Variants in WDR64 observed in about 807,000 individuals in gnomAD.
WDR64 encodes the protein WD repeat-containing protein 64.
A neutral mutation model predicts 139.3 loss-of-function variants in WDR64; 112 were observed. The observed-to-expected ratio is 0.80, with a 90% CI of 0.69 to 0.94. The LOEUF (loss-of-function observed/expected upper bound fraction) is 0.94, where lower values mean the gene tolerates loss of function less well. WDR64 is among the 40% of genes least tolerant of loss of function. The pLI is 0.00. For synonymous variants in WDR64, 444 were observed against 437.7 expected, an observed-to-expected ratio of 1.01 and a Z score of -0.18; for missense variants, 1,206 against 1,293.1, an observed-to-expected ratio of 0.93 and a Z score of 1.03.
intron 21 of WDR64, among the ~76,000 whole-genome samples, chr1:241,776,690 T>A (rs1658667349): frequency 6.6e-6 from 1 of 152,218 alleles, no homozygotes; most frequent in Non-Finnish European, 1.5e-5. Flanking sequence ...TCAAATTTTG[T>A]TGCTTTCTAA....
In WDR64 at chr1:241,749,463, G is replaced by T. The variant is rs1451780273; in HGVS notation, c.1595-84G>T. 9 of 1,470,628 alleles carry T rather than the reference G, an allele frequency of 6.1e-6. No individual in the cohort carries two copies. The African/African-American group carries it at 1.1e-4, about 18-fold the overall frequency. The allele number at this position is 1,470,628 out of a possible 1,614,324, so 91.1% of individuals were successfully genotyped here. A position where few individuals can be genotyped will look rare whatever the true frequency, so the allele number is the denominator to read the frequency against. Reference sequence around the variant, plus strand: ...GATAAATTGTTGGCAGAAAGCTTTCGATCGGATGAATTTTCTCTGAGCGAA... The same window carrying T: ...GATAAATTGTTGGCAGAAAGCTTTCTATCGGATGAATTTTCTCTGAGCGAA... On this transcript the variant is annotated intron_variant, in intron 13 of 27. Coordinates refer to ENST00000437684, the MANE Select transcript of WDR64 (RefSeq NM_001367482.1).
At chr1:241,770,966 C>G (rs546740320) in intron 18 of WDR64, among the ~76,000 whole-genome samples, 61 of 152,030 alleles carry the variant, frequency 4.0e-4, no homozygotes, top group Middle Eastern at 3.4e-3. Flanking sequence ...ATAAATTATG[C>G]ATGTTATTTT....
chr1:241,784,588 G>GTTGA (rs780454564), intron 23 of WDR64, among the ~76,000 whole-genome samples: 9 of 152,272 alleles, frequency 5.9e-5, no homozygotes, highest in Non-Finnish European at 1.2e-4. Flanking sequence ...GCTTTAGAAC[G>GTTGA]TTGAATTCAA....
At chr1:241,735,515 GTC>G (rs1223296107) in intron 10 of WDR64, among the ~76,000 whole-genome samples, 11 of 130,554 alleles carry the variant, frequency 8.4e-5, no homozygotes, top group Non-Finnish European at 1.4e-4. Context: ...TTAGTTCTCT[GTC>G]TCTCTCTCTC....
At chr1:241,750,819 G>T (rs982706843) in intron 14 of WDR64, among the ~76,000 whole-genome samples, 3 of 151,994 alleles carry the variant, frequency 2.0e-5, no homozygotes, top group African/African-American at 7.3e-5. Flanking sequence ...GCCCAGAGTA[G>T]GTGCTCATTA....
chr1:241,794,579 G>T (rs1038837514), intron 25 of WDR64, among the ~76,000 whole-genome samples: 4 of 137,294 alleles, frequency 2.9e-5, no homozygotes, highest in Admixed American at 1.7e-4. Flanking sequence ...TGTGATCTCG[G>T]CTCATTGCAA....
At chr1:241,745,013 T>C (rs755827211) in intron 13 of WDR64, among the ~76,000 whole-genome samples, 9 of 152,188 alleles carry the variant, frequency 5.9e-5, no homozygotes, top group Non-Finnish European at 1.3e-4. Context: ...ATGCCAAACT[T>C]GAGAGGATGC....
chr1:241,722,136 A>G (rs1668635374), intron 9 of WDR64, among the ~76,000 whole-genome samples: 1 of 152,190 alleles, frequency 6.6e-6, no homozygotes, highest in Non-Finnish European at 1.5e-5. Flanking sequence ...CAAAAAATTT[A>G]CAGACGAAGA....
chr1:241,673,731 A>C (rs768142791), intron 3 of WDR64, among the ~76,000 whole-genome samples: 4 of 152,194 alleles, frequency 2.6e-5, no homozygotes, highest in Non-Finnish European at 5.9e-5. Flanking sequence ...AAGAGTTTGC[A>C]ATTATAAAAA....
At chr1:241,705,559 A>AATAAT (rs1553368511) in intron 8 of WDR64, among the ~76,000 whole-genome samples, 30 of 136,668 alleles carry the variant, frequency 2.2e-4, no homozygotes, top group Admixed American at 9.7e-4. Context: ...ATAAATAAAT[A>AATAAT]AATAATAATA....
intron 8 of WDR64, among the ~76,000 whole-genome samples, chr1:241,688,754 G>T (rs532243831): frequency 6.6e-6 from 1 of 152,178 alleles, no homozygotes; most frequent in Non-Finnish European, 1.5e-5. Flanking sequence ...AACCTAAATT[G>T]TAATGGACAA....
At chr1:241,657,880 A>C (rs1665671789) in intron 1 of WDR64, among the ~76,000 whole-genome samples, 2 of 152,322 alleles carry the variant, frequency 1.3e-5, no homozygotes, top group South Asian at 4.1e-4. Flanking sequence ...CCAGATCAAG[A>C]CAGGGAACAT....
intron 8 of WDR64, among the ~76,000 whole-genome samples, chr1:241,697,800 C>G (rs1382290965): frequency 6.6e-6 from 1 of 152,178 alleles, no homozygotes; most frequent in Admixed American, 6.5e-5. Context: ...TCCCTATCTA[C>G]TCTGTGGAAT....
chr1:241,680,164 G>A (rs1398425712), intron 6 of WDR64, among the ~76,000 whole-genome samples: 1 of 152,090 alleles, frequency 6.6e-6, no homozygotes, highest in Non-Finnish European at 1.5e-5. Context: ...CAAATTATAT[G>A]GTGCAACGGG....
chr1:241,725,914 C>T (rs1668814680), intron 10 of WDR64, among the ~76,000 whole-genome samples: 1 of 152,128 alleles, frequency 6.6e-6, no homozygotes, highest in Non-Finnish European at 1.5e-5. Context: ...TCATTGCAGC[C>T]TCGGGGCTCT....
intron 17 of WDR64, 30 bp downstream of exon 17, chr1:241,769,535 C>A (rs981508794): frequency 6.6e-7 from 1 of 1,522,918 alleles, no homozygotes; most frequent in Admixed American, 2.0e-5. Flanking sequence ...ACCAGTAATA[C>A]TGTCTGGGAC....
In WDR64 at chr1:241,674,632, T is replaced by C; in HGVS notation, c.380-12T>C. 1 of 1,508,060 alleles carries C rather than the reference T, an allele frequency of 6.6e-7. No homozygotes were observed. The highest frequency in any genetic ancestry group is 9.0e-7 in the Non-Finnish European group (1 of 1,113,516). The allele number at this position is 1,508,060 out of a possible 1,614,324, so 93.4% of individuals were successfully genotyped here. ...CTGCTGAAAGTTGAAATGAATATTA[T>C]GCTGTTGACAGGTAGTAGAAGACGA... On this transcript the variant is annotated splice_polypyrimidine_tract_variant and intron_variant, in intron 3 of 27. Transcript: ENST00000437684.
chr1:241,791,344 C>T (rs1659209868), intron 25 of WDR64, among the ~76,000 whole-genome samples: 1 of 152,112 alleles, frequency 6.6e-6, no homozygotes, highest in Non-Finnish European at 1.5e-5. Flanking sequence ...GGTCACACAG[C>T]CCTCTGACCC....
At chr1:241,673,387 G>C (rs1412079446) in intron 3 of WDR64, among the ~76,000 whole-genome samples, 1 of 152,102 alleles carries the variant, frequency 6.6e-6, no homozygotes, top group Non-Finnish European at 1.5e-5. Context: ...CAGAGAGAAT[G>C]ATGGTGGCTT....
Sources: gnomAD v4.1 joint callset for allele counts (sites outside exome capture counted in the v4.1 genomes callset) on GRCh38, gnomAD v4.1.1 for gene constraint, MANE v1.5 for transcripts, NCBI Gene and HGNC (gene_info 2026-07-23, HGNC 2026-07-21) for gene names.